ESCO2: variants seen among roughly 807,000 people sequenced by gnomAD.
ESCO2 encodes the protein establishment of sister chromatid cohesion N-acetyltransferase 2.
A neutral mutation model predicts 61.7 loss-of-function variants in ESCO2; 51 were observed. The observed-to-expected ratio is 0.83, with a 90% CI of 0.66 to 1.04. ESCO2 has a LOEUF of 1.04. Ranked by LOEUF, ESCO2 falls within the 50% of genes least tolerant of loss-of-function variation. ESCO2 has a pLI of 0.00. For missense variants in ESCO2, 692 were observed against 686.2 expected, an observed-to-expected ratio of 1.01 and a Z score of -0.09; for synonymous variants, 230 against 238.2, an observed-to-expected ratio of 0.97 and a Z score of 0.32.
At chr8:27,780,871 T>C (rs1428909938) in intron 4 of ESCO2, among the ~76,000 whole-genome samples, 1 of 152,208 alleles carries the variant, frequency 6.6e-6, no homozygotes, top group Non-Finnish European at 1.5e-5. Context: ...TTTTTTATGA[T>C]TCTGAGATAT....
At chr8:27,778,010 G>T (rs962968607) in intron 3 of ESCO2, 1 of 152,118 alleles carries the variant, frequency 6.6e-6, no homozygotes, top group Non-Finnish European at 1.5e-5. Flanking sequence ...TAAATTGGTG[G>T]CCAGTAAACC....
At chr8:27,775,417 A>G (rs1804766881) in intron 1 of ESCO2, 82 bp from the exon 2 acceptor site, 12 of 1,205,524 alleles carry the variant, frequency 1.0e-5, no homozygotes, top group African/African-American at 3.0e-5. Context: ...CTTGGTGTGA[A>G]ATAGACTAAT....
intron 5 of ESCO2, among the ~76,000 whole-genome samples, chr8:27,787,645 C>G (rs1805076778): frequency 6.6e-6 from 1 of 152,144 alleles, no homozygotes. Context: ...GACTTGGAGT[C>G]AGAGGACCAG....
At chr8:27,778,034 A>G (rs182601651) in intron 3 of ESCO2, 1 of 152,340 alleles carries the variant, frequency 6.6e-6, no homozygotes, top group Admixed American at 6.5e-5. Context: ...TCTCACCCAT[A>G]AATGTTTTGC....
downstream of ESCO2, among the ~76,000 whole-genome samples, chr8:27,816,355 A>ATATTTATT (rs576580735): frequency 1.1e-4 from 16 of 140,942 alleles, no homozygotes; most frequent in African/African-American, 2.7e-4. Flanking sequence ...ATATATATAT[A>ATATTTATT]TATTTATTTA....
chr8:27,815,873 T>G (rs1805800391), downstream of ESCO2, among the ~76,000 whole-genome samples: 1 of 152,238 alleles, frequency 6.6e-6, no homozygotes, highest in Non-Finnish European at 1.5e-5. Flanking sequence ...GTTTGCTCCC[T>G]GTGAAGATGG....
chr8:27,785,054 A>C (rs1805007298), intron 5 of ESCO2, among the ~76,000 whole-genome samples: 3 of 152,198 alleles, frequency 2.0e-5, no homozygotes, highest in South Asian at 4.1e-4. Flanking sequence ...GTAATTTATA[A>C]TGGACAGAAA....
At chr8:27,799,244 G>C (rs1407366407) in intron 9 of ESCO2, among the ~76,000 whole-genome samples, 1 of 152,126 alleles carries the variant, frequency 6.6e-6, no homozygotes. Context: ...TTAGGATGGA[G>C]AGAATGAGAG....
intron 8 of ESCO2, among the ~76,000 whole-genome samples, chr8:27,792,408 T>C (rs1805197519): frequency 6.6e-6 from 1 of 152,212 alleles, no homozygotes; most frequent in African/African-American, 2.4e-5. Flanking sequence ...AAATCTGTTT[T>C]AATGCTTCCT....
At chr8:27,798,287 C>T (rs1563480041) in intron 9 of ESCO2, among the ~76,000 whole-genome samples, 1 of 152,038 alleles carries the variant, frequency 6.6e-6, no homozygotes, top group Admixed American at 6.6e-5. Context: ...CTGAAACCCC[C>T]CGCCTCTACT....
intron 5 of ESCO2, among the ~76,000 whole-genome samples, chr8:27,786,527 A>C (rs1216651451): frequency 6.6e-6 from 1 of 152,196 alleles, no homozygotes; most frequent in Admixed American, 6.5e-5. Flanking sequence ...CTGTTTGCTC[A>C]TATAGCCTCC....
chr8:27,789,985 C>T (rs1256150227), intron 7 of ESCO2, among the ~76,000 whole-genome samples: 1 of 152,186 alleles, frequency 6.6e-6, no homozygotes, highest in Non-Finnish European at 1.5e-5. Context: ...CTGATCTCTA[C>T]ATCAGCCAGA....
chr8:27,791,478 A>G (rs556193452), intron 7 of ESCO2, among the ~76,000 whole-genome samples: 2 of 152,340 alleles, frequency 1.3e-5, no homozygotes, highest in South Asian at 2.1e-4. Flanking sequence ...CTAGGGCCAC[A>G]TGCCAAAGCA....
At position 27,788,008 on chromosome 8, in the gene ESCO2, T is replaced by A. The variant is rs1805086119; in HGVS notation, c.1131+6T>A. The stretch of plus-strand genomic sequence containing the variant: ...CAAAAGACCAGCTCATCATCGTGAG[T>A]AAATTCCAAACAAAGCTTCTCCTAT... On this transcript the variant is annotated splice_donor_region_variant and intron_variant, in intron 6 of 10. Coordinates refer to ENST00000305188, the MANE Select transcript of ESCO2 (RefSeq NM_001017420.3). The A allele has an allele frequency of 6.3e-7, 1 of 1,597,074 alleles. No individual in the cohort carries two copies. The highest frequency in any genetic ancestry group is 1.3e-5 in the African/African-American group (1 of 74,566).
At chr8:27,796,409 T>C (rs968298957) in intron 9 of ESCO2, among the ~76,000 whole-genome samples, 5 of 152,146 alleles carry the variant, frequency 3.3e-5, no homozygotes, top group Non-Finnish European at 5.9e-5. Flanking sequence ...TGAGTCCCTG[T>C]TTAATTTATC....
At chr8:27,785,598 G>T (rs1805022083) in intron 5 of ESCO2, among the ~76,000 whole-genome samples, 1 of 150,838 alleles carries the variant, frequency 6.6e-6, no homozygotes, top group Non-Finnish European at 1.5e-5. Flanking sequence ...TACTCAGGAA[G>T]CTGAGACAGG....
At chr8:27,787,709 T>C (rs1805077659) in intron 5 of ESCO2, among the ~76,000 whole-genome samples, 176 bp from the exon 6 acceptor site, 1 of 152,200 alleles carries the variant, frequency 6.6e-6, no homozygotes, top group South Asian at 2.1e-4. Flanking sequence ...AGTAAATTAC[T>C]GACCCTCTCT....
At chr8:27,806,885 G>A (rs1805574351), downstream of ESCO2, among the ~76,000 whole-genome samples, 1 of 152,068 alleles carries the variant, frequency 6.6e-6, no homozygotes, top group Admixed American at 6.5e-5. Context: ...CAAAGTCCTG[G>A]GATTATAGGC....
At chr8:27,806,259 G>C (rs10113357), downstream of ESCO2, among the ~76,000 whole-genome samples, 23,437 of 152,074 alleles carry the variant, frequency 0.15, 2,273 homozygotes, top group East Asian at 0.37. Flanking sequence ...CAATCAGGTT[G>C]AGTACTGTCC....
Sources: allele counts gnomAD v4.1 joint callset (sites outside exome capture counted in the v4.1 genomes callset), GRCh38; gene constraint gnomAD v4.1.1; transcripts MANE v1.5; gene names NCBI Gene and HGNC (gene_info 2026-07-23, HGNC 2026-07-21).